POGLUT1: variants seen among roughly 807,000 people sequenced by gnomAD.
POGLUT1 encodes protein O-glucosyltransferase 1.
Under a neutral mutation model 61.3 loss-of-function variants are expected in POGLUT1, and 32 were observed. The ratio of observed to expected loss-of-function variants is 0.52; its 90% CI spans 0.39 to 0.70. POGLUT1 has a LOEUF of 0.70. Ranked by LOEUF, POGLUT1 falls within the 30% of genes least tolerant of loss-of-function variation. POGLUT1 has a pLI of 0.00. For missense variants in POGLUT1, 411 were observed against 469.8 expected (o/e 0.87, Z 1.16); for synonymous variants, 158 against 158.2 (o/e 1.00, Z 0.01).
chr3:119,474,634 G>A (rs2081514913), intron 3 of POGLUT1, among the ~76,000 whole-genome samples: 2 of 152,038 alleles, frequency 1.3e-5, no homozygotes, highest in Admixed American at 6.6e-5. Context: ...TCAGGAGTTC[G>A]AGATCACCCT....
At chr3:119,490,191 T>A (rs2081724818) in intron 8 of POGLUT1, 1 of 184,376 alleles carries the variant, frequency 5.4e-6, no homozygotes, top group African/African-American at 2.3e-5. Context: ...ATTTTATGTT[T>A]ACCATTGAAC....
intron 2 of POGLUT1, 124 bp from the exon 3 acceptor site, chr3:119,471,183 TCA>T: frequency 1.3e-6 from 1 of 788,546 alleles, no homozygotes; most frequent in Non-Finnish European, 2.1e-6. Context: ...CTGCTCATTC[TCA>T]CTCTCGATTC....
chr3:119,485,269 G>C, intron 5 of POGLUT1, 59 bp from the exon 6 acceptor site: 3 of 1,041,314 alleles, frequency 2.9e-6, no homozygotes, highest in South Asian at 1.4e-5. Context: ...AATGGTTAAA[G>C]CACATTCTTA....
At chr3:119,490,867 AT>A in intron 9 of POGLUT1, 149 bp downstream of exon 9, 1 of 638,352 alleles carries the variant, frequency 1.6e-6, no homozygotes. Flanking sequence ...GTTTGCATAT[AT>A]AGTATTGCAT....
At chr3:119,483,213 T>C (rs2081626580) in intron 5 of POGLUT1, among the ~76,000 whole-genome samples, 1 of 152,232 alleles carries the variant, frequency 6.6e-6, no homozygotes, top group Admixed American at 6.5e-5. Context: ...GTGCAAAGAT[T>C]TGTGTACAAG....
chr3:119,488,767 G>A, intron 7 of POGLUT1, 162 bp from the exon 8 acceptor site: 1 of 409,644 alleles, frequency 2.4e-6, no homozygotes, highest in Admixed American at 3.7e-5. Flanking sequence ...CCAAAGCCTT[G>A]GCTTCTGCAT....
chr3:119,487,856 A>T (rs1023140167), intron 7 of POGLUT1, among the ~76,000 whole-genome samples: 5 of 152,292 alleles, frequency 3.3e-5, no homozygotes, highest in African/African-American at 1.2e-4. Context: ...AAATGAATCA[A>T]ATGAGTCAGA....
intron 10 of POGLUT1, 94 bp from the exon 11 acceptor site, chr3:119,492,188 A>C: frequency 1.1e-6 from 1 of 876,434 alleles, no homozygotes. Context: ...TAAAATGCTG[A>C]ATAATGCTTG....
At position 119,486,830 on chromosome 3, in the gene POGLUT1, T is replaced by C. The variant is rs766625208; in HGVS notation, c.639-3T>C. On this transcript the variant is annotated splice_region_variant and splice_polypyrimidine_tract_variant and intron_variant, in intron 6 of 10. Coordinates refer to ENST00000295588, the MANE Select transcript of POGLUT1 (RefSeq NM_152305.3). ...AGTTTTATGTCACGTGTTTCTTTTA[T>C]AGGACAAGTCCAGAACGAGATCCTC... is the stretch of plus-strand genomic sequence containing the variant. The C allele has an allele frequency of 1.2e-6, 2 of 1,603,412 alleles. No homozygotes were observed. The highest frequency in any genetic ancestry group is 1.3e-5 in the African/African-American group (1 of 74,772).
intron 5 of POGLUT1, among the ~76,000 whole-genome samples, chr3:119,481,156 A>T (rs2081602111): frequency 6.6e-6 from 1 of 152,186 alleles, no homozygotes; most frequent in Non-Finnish European, 1.5e-5. Flanking sequence ...GAAGAATATA[A>T]ACATACTTGG....
chr3:119,471,097 ATTGACCCGCT>A (rs1435316047), intron 2 of POGLUT1, among the ~76,000 whole-genome samples: 1 of 152,232 alleles, frequency 6.6e-6, no homozygotes, highest in African/African-American at 2.4e-5. Context: ...AAGAAGAGAC[ATTGACCCGCT>A]TTTTACTTTT....
rs948556485 is a variant in POGLUT1 at position 119,494,439 on chromosome 3, A to G, written c.*2001A>G. ...TGCCCTTTGAAGAGCCAATAAGGGCATCTTTGTCTTTAAATACAGCAAATG... is the reference window on the plus strand; with the variant it reads ...TGCCCTTTGAAGAGCCAATAAGGGCGTCTTTGTCTTTAAATACAGCAAATG... On this transcript the variant is annotated 3_prime_UTR_variant, in exon 11 of 11. Transcript: ENST00000295588. The G allele has an allele frequency of 3.9e-5, 6 of 152,666 alleles. No homozygotes were observed. Among genetic ancestry groups the G allele is most frequent in the African/African-American group, 1.4e-4 (6 of 41,468 alleles). The allele number at this position is 152,666 out of a possible 1,614,324, so 9.5% of individuals were successfully genotyped here. A position where few individuals can be genotyped will look rare whatever the true frequency, so the allele number is the denominator to read the frequency against.
At chr3:119,480,287 T>C in intron 5 of POGLUT1, 115 bp downstream of exon 5, 1 of 820,836 alleles carries the variant, frequency 1.2e-6, no homozygotes, top group East Asian at 3.3e-5. Context: ...TCGCCCTTTT[T>C]GCCCAGGCTA....
intron 3 of POGLUT1, among the ~76,000 whole-genome samples, chr3:119,475,776 C>T (rs2081527930): frequency 6.7e-6 from 1 of 149,996 alleles, no homozygotes; most frequent in Admixed American, 6.7e-5. Flanking sequence ...TGCGCCATTG[C>T]ACTCCAGCCT....
At chr3:119,492,258 T>C (rs2081758199) in intron 10 of POGLUT1, 24 bp from the exon 11 acceptor site, 1 of 1,567,046 alleles carries the variant, frequency 6.4e-7, no homozygotes, top group Non-Finnish European at 8.7e-7. Context: ...GCTTTAACAT[T>C]TTCTTGTTAA....
chr3:119,471,459 GT>G lies in POGLUT1; in HGVS notation c.320+9del. The G allele has an allele frequency of 6.2e-7, 1 of 1,613,126 alleles. No homozygotes were observed. The highest frequency in any genetic ancestry group is 8.5e-7 in the Non-Finnish European group (1 of 1,179,364). On this transcript the variant is annotated splice_region_variant and intron_variant, in intron 3 of 10. Coordinates refer to ENST00000295588, the MANE Select transcript of POGLUT1 (RefSeq NM_152305.3). ...ACTGCATGTTCCCCTCAAGGTAAGA[GT>G]TAACGAGGTAGATATATCTTCTGAC...
At chr3:119,478,888 CAAA>C (rs367802266) in intron 4 of POGLUT1, among the ~76,000 whole-genome samples, 2 of 86,038 alleles carry the variant, frequency 2.3e-5, no homozygotes, top group Non-Finnish European at 2.3e-5. Context: ...GCAGGTGGAT[CAAA>C]AAAAAAAAAA....
Position 119,486,805 on chromosome 3 carries a change from A to C in POGLUT1, c.639-28A>C, listed in dbSNP as rs1282963838. 8 of 1,463,700 alleles carry C rather than the reference A, an allele frequency of 5.5e-6. No individual in the cohort carries two copies. In the South Asian group the frequency reaches 9.1e-5, roughly 17 times the overall value. The allele number at this position is 1,463,700 out of a possible 1,614,324, so 90.7% of individuals were successfully genotyped here. A position where few individuals can be genotyped will look rare whatever the true frequency, so the allele number is the denominator to read the frequency against. On this transcript the variant is annotated intron_variant, in intron 6 of 10. Coordinates refer to ENST00000295588, the MANE Select transcript of POGLUT1 (RefSeq NM_152305.3). ...AACAGTTTTCTAATACAGGCCACAC[A>C]GTTTTATGTCACGTGTTTCTTTTAT...
At chr3:119,488,872 A>G (rs376395524) in intron 7 of POGLUT1, 57 bp from the exon 8 acceptor site, 3 of 879,392 alleles carry the variant, frequency 3.4e-6, no homozygotes, top group African/African-American at 3.3e-5. Context: ...CTTGCTGCAC[A>G]GTGATCACAA....
Sources: gnomAD v4.1 joint callset for allele counts (sites outside exome capture counted in the v4.1 genomes callset) on GRCh38, gnomAD v4.1.1 for gene constraint, MANE v1.5 for transcripts, NCBI Gene and HGNC (gene_info 2026-07-23, HGNC 2026-07-21) for gene names.